The following SLIT3 variants were observed in gnomAD, a reference collection of about 807,000 sequenced individuals.
SLIT3 encodes the protein slit homolog 3 protein.
Under a neutral mutation model 184.0 loss-of-function variants are expected in SLIT3, and 68 were observed. The ratio of observed to expected loss-of-function variants is 0.37; its 90% CI spans 0.30 to 0.45. SLIT3 has a LOEUF of 0.45. Ranked by LOEUF, SLIT3 falls within the 20% of genes least tolerant of loss-of-function variation. The pLI is 1.00. For synonymous variants in SLIT3, 831 were observed against 828.6 expected (o/e 1.00, Z -0.05); for missense variants, 1,707 against 2,026.0 (o/e 0.84, Z 3.02).
chr5:169,259,625 G>T (rs1439166715), intron 1 of SLIT3, among the ~76,000 whole-genome samples: 1 of 152,200 alleles, frequency 6.6e-6, no homozygotes, highest in Non-Finnish European at 1.5e-5. Context: ...AAGTAAACCT[G>T]TAGGGGCTAC....
chr5:169,162,618 A>G (rs576605362), intron 4 of SLIT3, among the ~76,000 whole-genome samples: 32 of 152,344 alleles, frequency 2.1e-4, no homozygotes, highest in Non-Finnish European at 4.1e-4. Flanking sequence ...TGACCACACC[A>G]TGAGTCAAAG....
chr5:169,181,555 C>CAGGG (rs752679136), intron 4 of SLIT3, among the ~76,000 whole-genome samples: 1 of 151,454 alleles, frequency 6.6e-6, no homozygotes, highest in Non-Finnish European at 1.5e-5. Flanking sequence ...TCCTGGCCAA[C>CAGGG]ATGGTGAAAC....
At chr5:168,897,155 G>C (rs1365523716) in intron 4 of SLIT3, among the ~76,000 whole-genome samples, 9 of 152,190 alleles carry the variant, frequency 5.9e-5, no homozygotes, top group Admixed American at 5.9e-4. Context: ...CAGGGCGTTA[G>C]GCATTGCAGG....
At chr5:169,167,141 G>C (rs10063458) in intron 4 of SLIT3, among the ~76,000 whole-genome samples, 10,466 of 151,914 alleles carry the variant, frequency 0.069, 1,287 homozygotes, top group African/African-American at 0.24. Flanking sequence ...CTGCACTCCA[G>C]CCTGGGCAAC....
intron 20 of SLIT3, among the ~76,000 whole-genome samples, chr5:168,728,100 C>T (rs773431604): frequency 2.6e-5 from 4 of 151,956 alleles, no homozygotes; most frequent in Non-Finnish European, 5.9e-5. Context: ...AAGACTGGCT[C>T]AGTTTGCATG....
At chr5:168,994,200 G>A (rs1385434479) in intron 4 of SLIT3, 1 of 152,210 alleles carries the variant, frequency 6.6e-6, no homozygotes. Flanking sequence ...TAAGAGTCAT[G>A]ACCCTAAAGA....
At chr5:169,131,963 C>A (rs536845621) in intron 4 of SLIT3, among the ~76,000 whole-genome samples, 11 of 152,184 alleles carry the variant, frequency 7.2e-5, no homozygotes, top group Non-Finnish European at 1.3e-4. Context: ...AAAGATGAAG[C>A]CACATGGTAA....
intron 35 of SLIT3, 184 bp from the exon 36 acceptor site, chr5:168,666,873 AC>A (rs1761072363): frequency 2.1e-6 from 2 of 935,570 alleles, no homozygotes; most frequent in Admixed American, 2.0e-5. Context: ...CCTTTCCTGT[AC>A]CAGGCTCTCT....
intron 4 of SLIT3, among the ~76,000 whole-genome samples, chr5:169,015,157 G>A (rs1011554588): frequency 3.3e-5 from 5 of 151,874 alleles, no homozygotes; most frequent in Admixed American, 3.3e-4. Context: ...GCTCAGCCTG[G>A]TTTTTCTGTG....
intron 4 of SLIT3, among the ~76,000 whole-genome samples, chr5:168,941,935 C>A (rs1762346525): frequency 6.6e-6 from 1 of 152,218 alleles, no homozygotes; most frequent in Non-Finnish European, 1.5e-5. Context: ...GCACCCAGCA[C>A]TGGGTCTGGG....
intron 4 of SLIT3, among the ~76,000 whole-genome samples, chr5:169,064,794 C>A (rs1368386323): frequency 6.6e-6 from 1 of 152,158 alleles, no homozygotes; most frequent in Non-Finnish European, 1.5e-5. Context: ...GTTGATGAAT[C>A]CTTTTGAATA....
At chr5:168,995,059 G>A (rs147216563) in intron 4 of SLIT3, among the ~76,000 whole-genome samples, 188 of 152,266 alleles carry the variant, frequency 1.2e-3, no homozygotes, top group African/African-American at 4.4e-3. Flanking sequence ...GAAATCTGGT[G>A]TCTTGCCTAA....
chr5:169,229,676 T>C (rs1764931497), intron 3 of SLIT3, among the ~76,000 whole-genome samples: 2 of 127,518 alleles, frequency 1.6e-5, no homozygotes, highest in African/African-American at 5.2e-5. Context: ...CTCTCCTTAT[T>C]CATCACTCTT....
rs1243966481 is a variant in SLIT3 at position 169,300,809 on chromosome 5, G to A, written c.-100C>T. On this transcript the variant is annotated 5_prime_UTR_variant, in exon 1 of 36. Transcript: ENST00000519560. The surrounding 1 kb of genome is among the most constrained non-coding windows in gnomAD (Gnocchi z 4.1). ...GGAGCGCGGGCGGCCTGGGGAGCGGGCGGCGGAGTTAGCGCGGAGGAGGGG... is the reference window on the plus strand; with the variant it reads ...GGAGCGCGGGCGGCCTGGGGAGCGGACGGCGGAGTTAGCGCGGAGGAGGGG... 8.4e-7 allele frequency: 1 copy of A among 1,188,116 alleles called. No individual in the cohort carries two copies. Among genetic ancestry groups the A allele is most frequent in the African/African-American group, 1.6e-5 (1 of 62,642 alleles). The allele number at this position is 1,188,116 out of a possible 1,614,324, so 73.6% of individuals were successfully genotyped here. A position where few individuals can be genotyped will look rare whatever the true frequency, so the allele number is the denominator to read the frequency against.
intron 5 of SLIT3, among the ~76,000 whole-genome samples, chr5:168,879,015 ACAGCCTCTTCTTTCTTG>A (rs2113781464): frequency 6.6e-6 from 1 of 152,328 alleles, no homozygotes; most frequent in Admixed American, 6.5e-5. Context: ...ACACCTGGCC[ACAGCCTCTTCTTTCTTG>A]AAGGGAAATG....
At chr5:168,930,884 C>T (rs539112621) in intron 4 of SLIT3, among the ~76,000 whole-genome samples, 10 of 152,144 alleles carry the variant, frequency 6.6e-5, no homozygotes, top group Middle Eastern at 3.4e-3. Context: ...GATGTGCCTC[C>T]TAGACAATAA....
At chr5:169,171,567 G>C (rs1762821139) in intron 4 of SLIT3, among the ~76,000 whole-genome samples, 1 of 152,226 alleles carries the variant, frequency 6.6e-6, no homozygotes. Context: ...CCTCAGGAAA[G>C]AGGTTTCAGC....
intron 10 of SLIT3, among the ~76,000 whole-genome samples, chr5:168,794,498 G>A (rs1026325375): frequency 1.3e-5 from 2 of 152,138 alleles, no homozygotes; most frequent in African/African-American, 2.4e-5. Context: ...GGATGAGGGC[G>A]GTGATGCAAT....
At chr5:168,916,800 C>T (rs921608448) in intron 4 of SLIT3, among the ~76,000 whole-genome samples, 1 of 152,074 alleles carries the variant, frequency 6.6e-6, no homozygotes, top group Non-Finnish European at 1.5e-5. Flanking sequence ...TAAGGAGATT[C>T]TTCTTCTTTT....
Sources: gnomAD v4.1 joint callset for allele counts (sites outside exome capture counted in the v4.1 genomes callset) on GRCh38, gnomAD v4.1.1 for gene constraint, Gnocchi (gnomAD v3.1) non-coding constraint, MANE v1.5 for transcripts, NCBI Gene and HGNC (gene_info 2026-07-23, HGNC 2026-07-21) for gene names.